The following PACRG variants were observed in gnomAD, a reference collection of about 807,000 sequenced individuals.
PACRG encodes parkin coregulated gene protein.
PACRG carries 29 observed loss-of-function variants against 29.7 expected under a neutral mutation model. The ratio of observed to expected loss-of-function variants is 0.98; its 90% CI spans 0.73 to 1.33. The LOEUF (loss-of-function observed/expected upper bound fraction) is 1.33. Among genes scored for constraint, PACRG ranks in the 40% most tolerant of loss-of-function variants. The pLI, the probability that PACRG is intolerant of heterozygous loss-of-function variation, is 0.00. For synonymous variants in PACRG, 116 were observed against 118.7 expected (o/e 0.98, Z 0.15); for missense variants, 279 against 316.2 (o/e 0.88, Z 0.89).
chr6:163,177,800 T>G (rs1779455772), intron 4 of PACRG, among the ~76,000 whole-genome samples: 2 of 135,928 alleles, frequency 1.5e-5, no homozygotes, highest in South Asian at 4.9e-4. Flanking sequence ...GCCCTAGGCC[T>G]GTGCAGGTTC....
rs1782853767 is a variant in PACRG at position 162,767,065 on chromosome 6, G to C, written c.156+38674G>C. On this transcript the variant is annotated intron_variant, in intron 1 of 4. Coordinates refer to ENST00000366888, the MANE Select transcript of PACRG (RefSeq NM_001080379.2). ...ACATGGAAAAACACACGGAGTCTAT[G>C]ATATTGTGAAGACATACTTTATGGT... 1.3e-5 allele frequency among the ~76,000 whole-genome samples: 2 copies of C among 151,994 alleles called. 1 individual carries two copies. The highest frequency in any genetic ancestry group is 4.1e-4 in the South Asian group (2 of 4,828).
At chr6:162,904,036 C>T (rs1202138771) in intron 2 of PACRG, among the ~76,000 whole-genome samples, 7 of 152,150 alleles carry the variant, frequency 4.6e-5, no homozygotes, top group Non-Finnish European at 5.9e-5. Context: ...GTCCGAAATC[C>T]GCAGGGCAGA....
At chr6:162,941,113 G>T (rs1798599636) in intron 2 of PACRG, among the ~76,000 whole-genome samples, 1 of 151,754 alleles carries the variant, frequency 6.6e-6, no homozygotes, top group African/African-American at 2.4e-5. Context: ...TCTTCCACCG[G>T]GTGTCCCCAC....
chr6:163,122,804 T>A (rs1320760495), intron 4 of PACRG, among the ~76,000 whole-genome samples: 5 of 152,236 alleles, frequency 3.3e-5, no homozygotes, highest in Admixed American at 3.3e-4. Flanking sequence ...TTTGGTGAGT[T>A]TGGAGGTATA....
At chr6:163,228,148 AT>A (rs113663992) in intron 4 of PACRG, among the ~76,000 whole-genome samples, 3,122 of 151,268 alleles carry the variant, frequency 0.021, 25 homozygotes, top group East Asian at 0.034. Flanking sequence ...CAAGAAAATT[AT>A]TTTTTTTTCA....
intron 3 of PACRG, among the ~76,000 whole-genome samples, chr6:163,079,308 C>T (rs1812849109): frequency 6.6e-6 from 1 of 151,534 alleles, no homozygotes; most frequent in Non-Finnish European, 1.5e-5. Flanking sequence ...GGAAACTGGA[C>T]TCGATCAAAT....
chr6:162,898,311 C>G (rs954769095), intron 2 of PACRG, among the ~76,000 whole-genome samples: 4 of 152,168 alleles, frequency 2.6e-5, no homozygotes, highest in African/African-American at 9.7e-5. Context: ...AGGTTGAACT[C>G]CTTGAGTATG....
chr6:163,062,094 C>T lies in PACRG; in HGVS notation c.292-56C>T, dbSNP rs1051992039. On this transcript the variant is annotated intron_variant, in intron 2 of 4. Coordinates refer to ENST00000366888, the MANE Select transcript of PACRG (RefSeq NM_001080379.2). ...GGGTGACAGCTGCATAGCTTGTCTGCCGTGCTCTGCCCGAATGCTGTTTTC... is the reference window on the plus strand; with the variant it reads ...GGGTGACAGCTGCATAGCTTGTCTGTCGTGCTCTGCCCGAATGCTGTTTTC... 3.2e-6 allele frequency: 5 copies of T among 1,574,384 alleles called. No homozygotes were observed. In the African/African-American group the frequency reaches 4.1e-5, roughly 13 times the overall value.
chr6:163,276,100 C>A (rs1233152051), intron 4 of PACRG, among the ~76,000 whole-genome samples: 1 of 151,376 alleles, frequency 6.6e-6, no homozygotes, highest in Non-Finnish European at 1.5e-5. Context: ...GATCTTGGCT[C>A]ACTGCAGCCT....
intron 4 of PACRG, among the ~76,000 whole-genome samples, chr6:163,239,943 ACC>A (rs1308836961): frequency 7.1e-5 from 4 of 56,264 alleles, no homozygotes; most frequent in Admixed American, 1.9e-4. Context: ...TCACACTCCC[ACC>A]CCCCCCACAC....
At chr6:162,819,473 A>G (rs1007066) in intron 2 of PACRG, among the ~76,000 whole-genome samples, 35,222 of 152,164 alleles carry the variant, frequency 0.23, 5,546 homozygotes, top group African/African-American at 0.42. Context: ...TTGTCTTACA[A>G]AAAAACTATA....
intron 1 of PACRG, among the ~76,000 whole-genome samples, chr6:162,768,279 A>G (rs1782954132): frequency 2.0e-5 from 3 of 152,208 alleles, no homozygotes; most frequent in South Asian, 4.1e-4. Flanking sequence ...CAAATATATT[A>G]TTCAACAACC....
At chr6:163,196,968 TAGAG>T (rs1250257957) in intron 4 of PACRG, among the ~76,000 whole-genome samples, 94 of 138,888 alleles carry the variant, frequency 6.8e-4, no homozygotes, top group African/African-American at 2.3e-3. Flanking sequence ...GATAGATAGA[TAGAG>T]GCGGACAGAC....
intron 4 of PACRG, among the ~76,000 whole-genome samples, chr6:163,199,365 A>G (rs911656643): frequency 6.6e-6 from 1 of 152,222 alleles, no homozygotes; most frequent in African/African-American, 2.4e-5. Flanking sequence ...CAGCTAGGAC[A>G]GAGGCTCCTC....
intron 4 of PACRG, among the ~76,000 whole-genome samples, chr6:163,288,360 C>T (rs979949183): frequency 6.6e-6 from 1 of 152,154 alleles, no homozygotes; most frequent in East Asian, 1.9e-4. Flanking sequence ...GGCAAGAGCC[C>T]GACAGGCCTG....
At chr6:163,124,280 A>G (rs9347728) in intron 4 of PACRG, among the ~76,000 whole-genome samples, 41,701 of 152,088 alleles carry the variant, frequency 0.27, 6,305 homozygotes, top group East Asian at 0.48. Flanking sequence ...TTTGCTGTGC[A>G]GAAATTGATG....
chr6:162,964,141 C>T (rs1181472107), intron 2 of PACRG, among the ~76,000 whole-genome samples: 1 of 152,186 alleles, frequency 6.6e-6, no homozygotes, highest in Non-Finnish European at 1.5e-5. Flanking sequence ...TAATGGATTA[C>T]AGTGGCTGAA....
intron 1 of PACRG, among the ~76,000 whole-genome samples, chr6:162,737,423 G>A (rs1391980554): frequency 1.3e-5 from 2 of 152,146 alleles, no homozygotes; most frequent in Admixed American, 6.6e-5. Context: ...ATAGTATGAT[G>A]GGGAAGATCT....
At chr6:162,809,216 A>G (rs1786624488) in intron 1 of PACRG, among the ~76,000 whole-genome samples, 1 of 152,178 alleles carries the variant, frequency 6.6e-6, no homozygotes, top group South Asian at 2.1e-4. Context: ...CAGCTAATTG[A>G]GAACATTCTT....
Sources: allele counts gnomAD v4.1 joint callset (sites outside exome capture counted in the v4.1 genomes callset), GRCh38; gene constraint gnomAD v4.1.1; transcripts MANE v1.5; gene names NCBI Gene and HGNC (gene_info 2026-07-23, HGNC 2026-07-21).